Variants in ARK2C observed in about 807,000 individuals in gnomAD.
ARK2C encodes the protein arkadia (RNF111) C-terminal like ring finger ubiquitin ligase 2C.
the ARK2C span, chr18:46,462,344 C>T: frequency 2.0e-5 from 3 of 153,500 alleles, no homozygotes; most frequent in African/African-American, 7.2e-5. Flanking sequence ...TTCCCTCCTT[C>T]ACAGCTTATC....
chr18:46,426,575 C>A, the ARK2C span, among the ~76,000 whole-genome samples: 1 of 152,200 alleles, frequency 6.6e-6, no homozygotes, highest in African/African-American at 2.4e-5. Flanking sequence ...CAGGCCCCCA[C>A]CCCCTGCTTT....
chr18:46,402,430 T>C, the ARK2C span, among the ~76,000 whole-genome samples: 1 of 152,278 alleles, frequency 6.6e-6, no homozygotes, highest in South Asian at 2.1e-4. Flanking sequence ...GATGTAAATA[T>C]ATCTCAATAT....
chr18:46,339,981 C>G, the ARK2C span, among the ~76,000 whole-genome samples: 3 of 152,256 alleles, frequency 2.0e-5, no homozygotes, highest in Admixed American at 2.0e-4. Flanking sequence ...GTGCTGGATC[C>G]AAGGGCAGCA....
chr18:46,398,682 A>G, the ARK2C span, among the ~76,000 whole-genome samples: 1 of 151,988 alleles, frequency 6.6e-6, no homozygotes, highest in Non-Finnish European at 1.5e-5. Context: ...CTGAGAGCAC[A>G]CGGTCTAGCC....
At chr18:46,392,456 G>C in the ARK2C span, among the ~76,000 whole-genome samples, 239 of 152,364 alleles carry the variant, frequency 1.6e-3, no homozygotes, top group African/African-American at 5.3e-3. Flanking sequence ...CATTTGGCGG[G>C]AATGGACAAG....
At chr18:46,356,891 C>T in the ARK2C span, among the ~76,000 whole-genome samples, 3 of 152,322 alleles carry the variant, frequency 2.0e-5, no homozygotes, top group African/African-American at 7.2e-5. Context: ...GGTTAAAAGG[C>T]TTCCTCTGGA....
At chr18:46,348,900 C>CTG in the ARK2C span, among the ~76,000 whole-genome samples, 894 of 144,622 alleles carry the variant, frequency 6.2e-3, 6 homozygotes, top group African/African-American at 0.014. Context: ...CTCTCTCTTT[C>CTG]TGTGTGTGTG....
At chr18:46,344,200 G>A in the ARK2C span, among the ~76,000 whole-genome samples, 6 of 152,186 alleles carry the variant, frequency 3.9e-5, no homozygotes, top group Non-Finnish European at 8.8e-5. Context: ...GCCTGCAGGT[G>A]GAGAGGGGGT....
the ARK2C span, chr18:46,337,768 T>G: frequency 5.2e-6 from 1 of 191,344 alleles, no homozygotes; most frequent in Admixed American, 6.8e-5. Context: ...CACCTCCCAT[T>G]GTAAGATTTG....
the ARK2C span, among the ~76,000 whole-genome samples, chr18:46,454,019 G>A: frequency 6.7e-6 from 1 of 150,328 alleles, no homozygotes; most frequent in South Asian, 2.1e-4. Flanking sequence ...AAGCTGAGGT[G>A]GGAGGATTGC....
chr18:46,393,097 C>T, the ARK2C span, among the ~76,000 whole-genome samples: 1 of 152,182 alleles, frequency 6.6e-6, no homozygotes, highest in African/African-American at 2.4e-5. Context: ...TGTGAGGAGT[C>T]ACTTCCTGCT....
At chr18:46,450,700 C>T in the ARK2C span, 2 of 1,612,728 alleles carry the variant, frequency 1.2e-6, no homozygotes, top group South Asian at 1.1e-5. Context: ...TTTTCTCTTT[C>T]CAGGAGCTGC....
the ARK2C span, among the ~76,000 whole-genome samples, chr18:46,346,727 A>G: frequency 3.3e-5 from 5 of 152,312 alleles, no homozygotes; most frequent in East Asian, 3.9e-4. Context: ...AAGTGTTTAG[A>G]AAAGATGGCC....
the ARK2C span, chr18:46,386,088 G>A: frequency 2.0e-5 from 3 of 152,172 alleles, no homozygotes; most frequent in Non-Finnish European, 2.9e-5. Context: ...AGTTTTGTGA[G>A]GCCTTAGAAG....
At chr18:46,399,107 A>G in the ARK2C span, among the ~76,000 whole-genome samples, 2 of 152,034 alleles carry the variant, frequency 1.3e-5, no homozygotes, top group African/African-American at 4.8e-5. Context: ...ACCTTCAACT[A>G]TAGGGTCTCC....
the ARK2C span, among the ~76,000 whole-genome samples, chr18:46,367,843 G>T: frequency 1.3e-5 from 2 of 152,188 alleles, no homozygotes; most frequent in Non-Finnish European, 2.9e-5. Flanking sequence ...GGATTTCTCG[G>T]CTCTGCTTCT....
the ARK2C span, among the ~76,000 whole-genome samples, chr18:46,369,713 TAA>T: frequency 6.6e-6 from 1 of 152,130 alleles, no homozygotes; most frequent in Non-Finnish European, 1.5e-5. Context: ...ACCCTAAAGG[TAA>T]CTCATAAACC....
the ARK2C span, among the ~76,000 whole-genome samples, chr18:46,376,871 A>G: frequency 0.012 from 1,853 of 152,070 alleles, 26 homozygotes; most frequent in Non-Finnish European, 0.016. Context: ...GGGTTTCACC[A>G]TGTTGGCCAG....
At chr18:46,367,001 T>C in the ARK2C span, among the ~76,000 whole-genome samples, 1 of 152,106 alleles carries the variant, frequency 6.6e-6, no homozygotes, top group African/African-American at 2.4e-5. Flanking sequence ...CAAGAGGAAA[T>C]TCATCGTATA....
Sources: allele counts gnomAD v4.1 joint callset (sites outside exome capture counted in the v4.1 genomes callset), GRCh38; gene constraint gnomAD v4.1.1; transcripts MANE v1.5; gene names NCBI Gene and HGNC (gene_info 2026-07-23, HGNC 2026-07-21).